The following SAMD11 variants were observed in gnomAD, a reference collection of about 807,000 sequenced individuals.
SAMD11 encodes sterile alpha motif domain containing 11.
A neutral mutation model predicts 64.4 loss-of-function variants in SAMD11; 77 were observed. That is an observed-to-expected ratio of 1.20 (90% CI 0.99 to 1.44). The LOEUF (loss-of-function observed/expected upper bound fraction) is 1.44, where lower values mean the gene tolerates loss of function less well. Ranked by LOEUF, SAMD11 falls within the 40% of genes most tolerant of loss-of-function variation. The probability of loss-of-function intolerance (pLI) is 0.00; values close to 1 mark genes in which losing one functional copy is unlikely to be tolerated. For synonymous variants in SAMD11, 658 were observed against 421.9 expected, an observed-to-expected ratio of 1.56 and a Z score of -6.86; for missense variants, 1,402 against 943.3, an observed-to-expected ratio of 1.49 and a Z score of -6.37.
At chr1:931,246 G>A (rs914771146) in intron 4 of SAMD11, among the ~76,000 whole-genome samples, 157 bp downstream of exon 4, 6 of 151,938 alleles carry the variant, frequency 3.9e-5, no homozygotes, top group African/African-American at 1.4e-4. Flanking sequence ...GTGCTGCAAG[G>A]TTGTCCCCCA....
intron 7 of SAMD11, among the ~76,000 whole-genome samples, chr1:939,763 T>G (rs1641648722): frequency 6.6e-6 from 1 of 152,080 alleles, no homozygotes; most frequent in African/African-American, 2.4e-5. Flanking sequence ...CCCTGTGGTC[T>G]GTGAGTCGTC....
chr1:933,428 G>A (rs1246683950), intron 4 of SAMD11, among the ~76,000 whole-genome samples: 1 of 152,150 alleles, frequency 6.6e-6, no homozygotes, highest in African/African-American at 2.4e-5. Context: ...CCTCCACCCA[G>A]CTATTAGGCC....
chr1:929,818 G>A (rs1363444776), intron 2 of SAMD11, among the ~76,000 whole-genome samples: 1 of 152,182 alleles, frequency 6.6e-6, no homozygotes, highest in African/African-American at 2.4e-5. Flanking sequence ...CATCCTCAAG[G>A]GCTGGGCCAA....
intron 4 of SAMD11, among the ~76,000 whole-genome samples, chr1:933,036 C>G (rs187881375): frequency 6.6e-6 from 1 of 152,148 alleles, no homozygotes; most frequent in Non-Finnish European, 1.5e-5. Flanking sequence ...CTCCTTCCTG[C>G]GCCTCCTGCC....
rs201970889 is a variant in SAMD11 at position 931,090 on chromosome 1, G to A, written c.842+1G>A. On this transcript the variant is annotated splice_donor_variant, in intron 4 of 13. Transcript: ENST00000616016. LOFTEE classifies it high-confidence loss of function. The stretch of plus-strand genomic sequence containing the variant: ...TCTCTTTCCGAGAGGCGTCCTGCAG[G>A]TAGGAGCCGTGCTGTGCGTGCATAA... 2.5e-6 allele frequency: 4 copies of A among 1,612,204 alleles called. No individual in the cohort carries two copies. The highest frequency in any genetic ancestry group is 1.3e-5 in the African/African-American group (1 of 75,046).
intron 2 of SAMD11, among the ~76,000 whole-genome samples, chr1:928,161 A>T (rs1353132348): frequency 3.9e-5 from 6 of 152,226 alleles, no homozygotes; most frequent in Admixed American, 1.3e-4. Context: ...TGGGAGGCCG[A>T]GGCGGGCGGA....
intron 2 of SAMD11, among the ~76,000 whole-genome samples, chr1:926,786 G>A (rs1557599342): frequency 6.6e-6 from 1 of 152,184 alleles, no homozygotes. Flanking sequence ...TGCCTGTTGG[G>A]AAGGACTAGT....
rs376466161 is a variant in SAMD11, at chr1:939,138, G to A, written c.1057+9G>A. 7.0e-5 allele frequency: 110 copies of A among 1,578,394 alleles called. No individual in the cohort carries two copies. In the African/African-American group the frequency reaches 9.7e-4, roughly 14 times the overall value. ...AAGCGAATCGCCTCAAGGTAAGAGCGTGGCTGGGACGAGAGACAGGTCACC... is the reference window on the plus strand; with the variant it reads ...AAGCGAATCGCCTCAAGGTAAGAGCATGGCTGGGACGAGAGACAGGTCACC... On this transcript the variant is annotated intron_variant, in intron 6 of 13. Coordinates refer to ENST00000616016, the MANE Select transcript of SAMD11 (RefSeq NM_001385641.1).
chr1:931,326 C>T (rs1223247171), intron 4 of SAMD11, among the ~76,000 whole-genome samples: 7 of 152,332 alleles, frequency 4.6e-5, no homozygotes, highest in Admixed American at 2.0e-4. Context: ...ATGCAGCTCT[C>T]GGCAGCAGCT....
rs28491190 is a variant in SAMD11 at position 934,876 on chromosome 1, G to A, written c.843-896G>A. 2.2e-3 allele frequency among the ~76,000 whole-genome samples: 16 copies of A among 7,414 alleles called. 8 individuals carry two copies. In the East Asian group the frequency reaches 0.08, roughly 37 times the overall value. The allele number at this position is 7,414 out of a possible 152,430, so 4.9% of individuals were successfully genotyped here. On this transcript the variant is annotated intron_variant, in intron 4 of 13. Transcript: ENST00000616016. Reference sequence around the variant, plus strand: ...GGAGGCGGCTGCGTTACAGGTGGGCGGGGGAGGCGGCTGCGTTACAGGTGG... The same window carrying A: ...GGAGGCGGCTGCGTTACAGGTGGGCAGGGGAGGCGGCTGCGTTACAGGTGG...
chr1:926,990 A>C (rs1256889458), intron 2 of SAMD11, among the ~76,000 whole-genome samples: 1 of 152,106 alleles, frequency 6.6e-6, no homozygotes. Context: ...CCTGTGAGCC[A>C]TGAGTGCCGT....
intron 2 of SAMD11, among the ~76,000 whole-genome samples, 160 bp downstream of exon 2, chr1:926,173 T>C (rs1640877167): frequency 6.6e-6 from 1 of 152,090 alleles, no homozygotes; most frequent in Non-Finnish European, 1.5e-5. Flanking sequence ...TACCTCGTGC[T>C]CTCCCAGCCC....
chr1:930,465 G>A, intron 3 of SAMD11, 129 bp downstream of exon 3: 1 of 1,104,082 alleles, frequency 9.1e-7, no homozygotes, highest in South Asian at 1.6e-5. Context: ...GGTCTTTTTG[G>A]GGTCCTGTGT....
chr1:936,648 G>T (rs995599148), intron 5 of SAMD11, among the ~76,000 whole-genome samples: 24 of 152,150 alleles, frequency 1.6e-4, no homozygotes, highest in Non-Finnish European at 2.9e-5. Flanking sequence ...CCCAGGCAGG[G>T]GTGTTCCCAG....
intron 12 of SAMD11, 84 bp downstream of exon 12, chr1:943,461 C>CA: frequency 1.7e-6 from 2 of 1,210,640 alleles, no homozygotes; most frequent in South Asian, 2.9e-5. Context: ...GGGGTAGGGC[C>CA]ATTCCCCAAC....
rs1270609074 is a variant in SAMD11 at position 925,910 on chromosome 1, C to T, written c.518-12C>T. 5 of 1,598,376 alleles carry T rather than the reference C, an allele frequency of 3.1e-6. No homozygotes were observed. The highest frequency in any genetic ancestry group is 2.7e-5 in the African/African-American group (2 of 74,664). ...CGCTCCCTCACAGGGTCTGCCTCGGCTCTGCTCGCAGGGAAAAGTCTGAAG... is the reference window on the plus strand; with the variant it reads ...CGCTCCCTCACAGGGTCTGCCTCGGTTCTGCTCGCAGGGAAAAGTCTGAAG... On this transcript the variant is annotated splice_polypyrimidine_tract_variant and intron_variant, in intron 1 of 13. Transcript: ENST00000616016.
At position 928,278 on chromosome 1, in the gene SAMD11, G is replaced by A. The variant is rs532253946; in HGVS notation, c.610-1877G>A. 3.0e-4 allele frequency among the ~76,000 whole-genome samples: 46 copies of A among 152,342 alleles called. No homozygotes were observed. In the East Asian group the frequency reaches 6.8e-3, roughly 22 times the overall value. On this transcript the variant is annotated intron_variant, in intron 2 of 13. Coordinates refer to ENST00000616016, the MANE Select transcript of SAMD11 (RefSeq NM_001385641.1). ...GTGGTGGCGGGTGCCTGTAGTCCCA[G>A]CTACTTGGGAGGCTGAGGCAGGAGA...
At position 939,069 on chromosome 1, in the gene SAMD11, TC is replaced by T. The variant is rs758406403; in HGVS notation, c.1003del (p.Arg335ValfsTer44). ...CCTGTTGGGCAAGAGGCTGGGCCGC[TC>T]CCCCCGTATCAGCAGCGACTGCTTT... ...GDLLGKRLGR[S>X]PRISSDCFSE... On this transcript the variant is annotated frameshift_variant, in exon 6 of 14. Coordinates refer to ENST00000616016, the MANE Select transcript of SAMD11 (RefSeq NM_001385641.1). LOFTEE classifies it high-confidence loss of function. 3.7e-6 allele frequency: 6 copies of T among 1,604,484 alleles called. No homozygotes were observed. The highest frequency in any genetic ancestry group is 2.2e-5 in the South Asian group (2 of 88,970).
chr1:938,715 C>T (rs1569899251), intron 5 of SAMD11, among the ~76,000 whole-genome samples: 2 of 152,154 alleles, frequency 1.3e-5, no homozygotes, highest in Admixed American at 6.5e-5. Context: ...TTTTTATTCT[C>T]CTCTAGGGGG....
Sources: gnomAD v4.1 joint callset for allele counts (sites outside exome capture counted in the v4.1 genomes callset) on GRCh38, gnomAD v4.1.1 for gene constraint, MANE v1.5 for transcripts, NCBI Gene and HGNC (gene_info 2026-07-23, HGNC 2026-07-21) for gene names.